ZNF606: variants seen among roughly 807,000 people sequenced by gnomAD.
ZNF606 encodes the protein zinc finger protein 606.
In ZNF606, 37 loss-of-function variants were observed where a neutral mutation model predicts 74.9. The observed-to-expected ratio is 0.49, with a 90% CI of 0.38 to 0.65. The LOEUF is 0.65. Among genes scored for constraint, ZNF606 ranks in the 30% least tolerant of loss-of-function variants. The pLI is 0.00. For synonymous variants in ZNF606, 328 were observed against 312.4 expected (o/e 1.05, Z -0.53); for missense variants, 852 against 952.9 (o/e 0.89, Z 1.39).
At chr19:58,000,472 G>A (rs1415793706) in intron 3 of ZNF606, 7 of 642,350 alleles carry the variant, frequency 1.1e-5, no homozygotes, top group African/African-American at 5.4e-5. Context: ...TGATCCACTC[G>A]CCTCGGCCTC....
At chr19:57,991,609 G>A (rs1374679566) in intron 4 of ZNF606, among the ~76,000 whole-genome samples, 3 of 151,930 alleles carry the variant, frequency 2.0e-5, no homozygotes, top group Non-Finnish European at 4.4e-5. Flanking sequence ...ATGAAAACCC[G>A]TCTCTACTAA....
chr19:57,993,699 T>C (rs1437729109), intron 4 of ZNF606, among the ~76,000 whole-genome samples: 1 of 152,186 alleles, frequency 6.6e-6, no homozygotes, highest in Non-Finnish European at 1.5e-5. Flanking sequence ...GCGGCTAGGT[T>C]CTCAGGCTGC....
In ZNF606 at chr19:57,979,840, T is replaced by G; in HGVS notation, c.840A>C (p.Ala280=). The G allele has an allele frequency of 6.2e-7, 1 of 1,613,616 alleles. No individual in the cohort carries two copies. Among genetic ancestry groups the G allele is most frequent in the South Asian group, 1.1e-5 (1 of 91,088 alleles). ...AAAGATTATCTCCAGTTTGTATTCT[T>G]GCAGGGTAAATAGGTTGAATGGACT... ...VYQSIQPIYP[A]RIQTGDNLFK... The change falls in exon 7 of 7, where the codon GCA becomes GCC. Residue 280 remains alanine, a synonymous_variant. Transcript: ENST00000551380.
At chr19:57,994,135 GA>G (rs1269645756) in intron 4 of ZNF606, among the ~76,000 whole-genome samples, 2 of 152,132 alleles carry the variant, frequency 1.3e-5, no homozygotes, top group African/African-American at 4.8e-5. Flanking sequence ...AGTGGGACAG[GA>G]TGCTACAAGA....
chr19:58,001,623 G>C (rs1213874546), intron 1 of ZNF606, among the ~76,000 whole-genome samples: 1 of 152,172 alleles, frequency 6.6e-6, no homozygotes, highest in African/African-American at 2.4e-5. Flanking sequence ...GAGACAGCCA[G>C]TCACAACACA....
intron 4 of ZNF606, among the ~76,000 whole-genome samples, chr19:57,996,903 G>A (rs1032236265): frequency 1.3e-4 from 20 of 152,176 alleles, no homozygotes; most frequent in African/African-American, 4.3e-4. Flanking sequence ...GGCATTCTAA[G>A]CACTTCATGG....
intron 4 of ZNF606, chr19:57,999,501 G>T (rs1157975442): frequency 6.2e-6 from 3 of 485,706 alleles, no homozygotes; most frequent in African/African-American, 1.9e-5. Context: ...CCTAAATCGG[G>T]TGCTAAAGAC....
intron 4 of ZNF606, among the ~76,000 whole-genome samples, chr19:57,990,468 A>T (rs1412060515): frequency 7.0e-6 from 1 of 142,286 alleles, no homozygotes; most frequent in Admixed American, 7.5e-5. Context: ...TGGGCCCAGG[A>T]GGTGGAGGCT....
chr19:57,988,362 G>A, intron 5 of ZNF606, 60 bp from the exon 6 acceptor site: 1 of 1,538,656 alleles, frequency 6.5e-7, no homozygotes. Flanking sequence ...GCCAAAGAAA[G>A]CTTCTCTTGC....
intron 1 of ZNF606, 25 bp downstream of exon 1, chr19:58,002,371 C>G: frequency 2.2e-6 from 1 of 456,752 alleles, no homozygotes; most frequent in Non-Finnish European, 4.4e-6. Context: ...GGCCGCGACG[C>G]TGCAAAAGCT....
intron 4 of ZNF606, among the ~76,000 whole-genome samples, chr19:57,989,358 AAACT>A (rs1344040223): frequency 2.6e-5 from 4 of 152,202 alleles, no homozygotes; most frequent in Admixed American, 1.3e-4. Flanking sequence ...GAAAGCAAGA[AAACT>A]AACTGGAAAA....
Position 57,979,969 on chromosome 19 carries a change from G to C in ZNF606, c.711C>G (p.Phe237Leu). The change falls in exon 7 of 7, where the codon TTC becomes TTG. Residue 237 changes from phenylalanine (F) to leucine (L), a missense_variant. By Grantham distance (22) the Phe-to-Leu change is conservative (BLOSUM62 0). Around this residue, in one of 3 missense-constraint regions of ZNF606, gnomAD observed 545 missense variants for 542.5 expected, o/e 1.00. Transcript: ENST00000551380. ...TTTGAGCATGTGTATCAGGCTTATA[G>C]AAATGTTCTATCTGAGAAACTCTCT... Reference protein sequence around the residue: ...PSQRVSQIEHFYKPDTHAQSW... With the variant: ...PSQRVSQIEHLYKPDTHAQSW... The C allele has an allele frequency of 6.2e-7, 1 of 1,613,866 alleles. No individual in the cohort carries two copies. Among genetic ancestry groups the C allele is most frequent in the Non-Finnish European group, 8.5e-7 (1 of 1,180,024 alleles).
In ZNF606 at chr19:57,999,893, A is replaced by G. The variant is rs201159176; in HGVS notation, c.92T>C (p.Leu31Pro). ...GTGCCAGGCAGGATACTGAGGACACAGAGCTAGGAAACGAGAAAAAAGTCA... is the reference window on the plus strand; with the variant it reads ...GTGCCAGGCAGGATACTGAGGACACGGAGCTAGGAAACGAGAAAAAAGTCA... Reference protein sequence around the residue: ...TAVDPWASWALCPQYPAWHVE... With the variant: ...TAVDPWASWAPCPQYPAWHVE... Residue 31 changes from leucine to proline, a missense_variant, in exon 4 of 7, where the codon CTG becomes CCG. Leu to Pro is a moderately conservative substitution (Grantham distance 98). Around this residue, in one of 3 missense-constraint regions of ZNF606, gnomAD observed 545 missense variants for 542.5 expected, o/e 1.00. Transcript: ENST00000551380. 1.2e-6 allele frequency: 2 copies of G among 1,613,438 alleles called. No homozygotes were observed. Among genetic ancestry groups the G allele is most frequent in the African/African-American group, 1.3e-5 (1 of 74,938 alleles).
At chr19:57,995,189 CAAA>C (rs766350560) in intron 4 of ZNF606, among the ~76,000 whole-genome samples, 1 of 49,538 alleles carries the variant, frequency 2.0e-5, no homozygotes, top group Non-Finnish European at 4.4e-5. Context: ...GACTCTGACT[CAAA>C]AAAAAAAAAA....
chr19:57,981,779 A>G (rs2073088780), intron 6 of ZNF606, among the ~76,000 whole-genome samples: 1 of 152,240 alleles, frequency 6.6e-6, no homozygotes, highest in African/African-American at 2.4e-5. Flanking sequence ...ACTTCTATCC[A>G]CCACAGAATA....
At chr19:57,983,592 G>C in intron 6 of ZNF606, among the ~76,000 whole-genome samples, 1 of 149,288 alleles carries the variant, frequency 6.7e-6, no homozygotes, top group East Asian at 1.9e-4. Context: ...AAAAAAAAAA[G>C]AAAAGAAAAA....
chr19:57,999,825 G>C lies in ZNF606; in HGVS notation c.160C>G (p.Pro54Ala), dbSNP rs747359868. 1.2e-6 allele frequency: 2 copies of C among 1,614,076 alleles called. No homozygotes were observed. Among genetic ancestry groups the C allele is most frequent in the Admixed American group, 1.7e-5 (1 of 60,026 alleles). ...LEEGRRATGL[P>A]AAQVQEPVTF... ...CATCTCACCTGAACCTGGGCTGCTG[G>C]GAGCCCAGTGGCCCTCCTCCCCTCC... Residue 54 changes from proline to alanine, a missense_variant, in exon 4 of 7, where the codon CCA (proline) becomes GCA (alanine). By Grantham distance (27) the Pro-to-Ala change is conservative. This residue lies in a region of ZNF606 where 545 missense variants were observed against 542.5 expected (regional missense o/e 1.00). Coordinates refer to ENST00000551380, the MANE Select transcript of ZNF606 (RefSeq NM_001348022.3).
At position 58,002,705 on chromosome 19, in the gene ZNF606, CCTCTCCCAGCCGG is replaced by C. The variant is rs2073459822; in HGVS notation, c.-374_-362del. 1 of 453,160 alleles carries C rather than the reference CCTCTCCCAGCCGG, an allele frequency of 2.2e-6. No individual in the cohort carries two copies. Among genetic ancestry groups the C allele is most frequent in the South Asian group, 1.6e-5 (1 of 64,464 alleles). 28.1% of individuals were successfully genotyped at this position (453,160 alleles called of 1,614,324 possible). A position where few individuals can be genotyped will look rare whatever the true frequency, so the allele number is the denominator to read the frequency against. On this transcript the variant is annotated 5_prime_UTR_variant, in exon 1 of 7. Coordinates refer to ENST00000551380, the MANE Select transcript of ZNF606 (RefSeq NM_001348022.3). ...AGGCGCAGGACCCACCCTGACGCCG[CCTCTCCCAGCCGG>C]CTCTCCTGACCCCCCAAGCCCCGCA...
At chr19:58,001,703 C>T (rs1482646787) in intron 1 of ZNF606, among the ~76,000 whole-genome samples, 1 of 151,956 alleles carries the variant, frequency 6.6e-6, no homozygotes, top group Non-Finnish European at 1.5e-5. Flanking sequence ...TTAGTGGTTG[C>T]CTAGAGCTGG....
Sources: gnomAD v4.1 joint callset for allele counts (sites outside exome capture counted in the v4.1 genomes callset) on GRCh38, gnomAD v4.1.1 for gene constraint, gnomAD v4.1.1 regional missense constraint, MANE v1.5 for transcripts, NCBI Gene and HGNC (gene_info 2026-07-23, HGNC 2026-07-21) for gene names.